The following AJAP1 variants were observed in gnomAD, a reference collection of about 807,000 sequenced individuals.
AJAP1 encodes adherens junctions associated protein 1.
Under a neutral mutation model 35.0 loss-of-function variants are expected in AJAP1, and 5 were observed. The observed-to-expected ratio is 0.14, with a 90% CI of 0.07 to 0.30. The LOEUF is 0.30. Ranked by LOEUF, AJAP1 falls within the 10% of genes least tolerant of loss-of-function variation. The probability of loss-of-function intolerance (pLI) is 1.00; values close to 1 mark genes in which losing one functional copy is unlikely to be tolerated. For missense variants in AJAP1, 586 were observed against 571.0 expected (o/e 1.03, Z -0.27); for synonymous variants, 284 against 249.3 (o/e 1.14, Z -1.31).
intron 2 of AJAP1, among the ~76,000 whole-genome samples, chr1:4,749,305 G>A (rs571272167): frequency 1.3e-5 from 2 of 152,304 alleles, no homozygotes; most frequent in East Asian, 3.9e-4. Flanking sequence ...TCTGCTCGAA[G>A]CTGAATACCT....
At chr1:4,753,946 TGTTTTTTCTCTTTG>T (rs1280511865) in intron 2 of AJAP1, among the ~76,000 whole-genome samples, 1 of 152,246 alleles carries the variant, frequency 6.6e-6, no homozygotes, top group African/African-American at 2.4e-5. Flanking sequence ...TTTTGTCTTT[TGTTTTTTCTCTTTG>T]GTTTTTGTTC....
intron 3 of AJAP1, 72 bp downstream of exon 3, chr1:4,770,012 G>A (rs1641799640): frequency 7.5e-7 from 1 of 1,337,228 alleles, no homozygotes; most frequent in Non-Finnish European, 1.1e-6. Flanking sequence ...AATACAGAAA[G>A]GCCCCTACTT....
At position 4,712,445 on chromosome 1, in the gene AJAP1, T is replaced by G. The variant is rs758215496; in HGVS notation, c.575T>G (p.Leu192Arg). The G allele has an allele frequency of 4.4e-6, 7 of 1,609,028 alleles. No individual in the cohort carries two copies. In the South Asian group the frequency reaches 7.8e-5, roughly 18 times the overall value. Reference sequence around the variant, plus strand: ...GGGCCCACGGGGGACGAGGAGGCCCTGGAGTCCAACACATTTCCGGGCGTT... The same window carrying G: ...GGGCCCACGGGGGACGAGGAGGCCCGGGAGTCCAACACATTTCCGGGCGTT... ...AWGPTGDEEA[L>R]ESNTFPGVYG... Residue 192 changes from leucine (L) to arginine (R), a missense_variant, in exon 2 of 6, where the codon CTG becomes CGG. Coordinates refer to ENST00000378191, the MANE Select transcript of AJAP1 (RefSeq NM_018836.4).
chr1:4,735,634 A>C (rs1402423954), intron 2 of AJAP1, among the ~76,000 whole-genome samples: 1 of 151,012 alleles, frequency 6.6e-6, no homozygotes, highest in Non-Finnish European at 1.5e-5. Context: ...CCTGCTGTAC[A>C]GTGGGCACCT....
intron 1 of AJAP1, among the ~76,000 whole-genome samples, chr1:4,657,495 G>T (rs564005792): frequency 6.6e-6 from 1 of 152,332 alleles, no homozygotes; most frequent in South Asian, 2.1e-4. Flanking sequence ...CTGAGCCAAA[G>T]GGTTGCAAGT....
At chr1:4,744,050 A>C (rs1641131479) in intron 2 of AJAP1, among the ~76,000 whole-genome samples, 1 of 152,158 alleles carries the variant, frequency 6.6e-6, no homozygotes. Context: ...TAAAGGGGTC[A>C]TGGGACGAGA....
chr1:4,655,457 G>A lies in AJAP1; in HGVS notation c.29+3G>A, dbSNP rs756046383. ...ATTCAACAGCTTTTAGGACTCAGGT[G>A]AGCGACCCGGCCGGCGCCGGGTGCG... is the stretch of plus-strand genomic sequence containing the variant. On this transcript the variant is annotated splice_donor_region_variant and intron_variant, in intron 1 of 5. Transcript: ENST00000378191. The surrounding 1 kb of genome is among the most constrained non-coding windows in gnomAD (Gnocchi z 6.9). 1.9e-6 allele frequency: 3 copies of A among 1,568,484 alleles called. No homozygotes were observed. Among genetic ancestry groups the A allele is most frequent in the Admixed American group, 1.8e-5 (1 of 55,656 alleles).
chr1:4,705,306 C>T (rs1318467459), intron 1 of AJAP1, among the ~76,000 whole-genome samples: 2 of 148,160 alleles, frequency 1.3e-5, no homozygotes, highest in Non-Finnish European at 3.0e-5. Context: ...CTAGGCATTA[C>T]CATTCAGGAC....
At position 4,657,118 on chromosome 1, in the gene AJAP1, A is replaced by G. The variant is rs564625371; in HGVS notation, c.29+1664A>G. 2.5e-4 allele frequency among the ~76,000 whole-genome samples: 38 copies of G among 152,188 alleles called. No homozygotes were observed. The South Asian group carries it at 7.9e-3, about 32-fold the overall frequency. ...TGAACAGACATTTTTTTTTATTGCT[A>G]AGTTGCTAGATTAAAAGATGAGTAC... On this transcript the variant is annotated intron_variant, in intron 1 of 5. Transcript: ENST00000378191.
At chr1:4,739,240 A>T (rs935853425) in intron 2 of AJAP1, among the ~76,000 whole-genome samples, 2 of 152,204 alleles carry the variant, frequency 1.3e-5, no homozygotes, top group Non-Finnish European at 2.9e-5. Context: ...ACAGCATCCC[A>T]CTTTGCTCAC....
intron 1 of AJAP1, among the ~76,000 whole-genome samples, chr1:4,682,719 T>A (rs1288823082): frequency 2.6e-5 from 4 of 152,138 alleles, no homozygotes; most frequent in Non-Finnish European, 5.9e-5. Flanking sequence ...ATGATGATAA[T>A]GATGATAGTG....
At chr1:4,703,735 C>T (rs1234741422) in intron 1 of AJAP1, among the ~76,000 whole-genome samples, 3 of 152,208 alleles carry the variant, frequency 2.0e-5, no homozygotes, top group Non-Finnish European at 4.4e-5. Flanking sequence ...CACAGAACCC[C>T]AGTCACAGAG....
chr1:4,672,744 T>A (rs1359941694), intron 1 of AJAP1, among the ~76,000 whole-genome samples: 1 of 152,142 alleles, frequency 6.6e-6, no homozygotes, highest in East Asian at 1.9e-4. Context: ...GTGAGCAGGA[T>A]GTGAAACCAC....
In AJAP1 at chr1:4,715,662, G is replaced by T. The variant is rs559205565; in HGVS notation, c.829+2963G>T. ...ATCCTGCCATTGCACTCCAGCCTGG[G>T]CAATAAGAGTGAAACTTATTTCAAA... On this transcript the variant is annotated intron_variant, in intron 2 of 5. Transcript: ENST00000378191. 7.2e-5 allele frequency among the ~76,000 whole-genome samples: 11 copies of T among 152,196 alleles called. No homozygotes were observed. The South Asian group carries it at 2.1e-3, about 29-fold the overall frequency.
chr1:4,686,414 C>T (rs186242241), intron 1 of AJAP1, among the ~76,000 whole-genome samples: 1 of 152,154 alleles, frequency 6.6e-6, no homozygotes, highest in Non-Finnish European at 1.5e-5. Context: ...GGTTCAAGTT[C>T]TTTTTCTTCC....
chr1:4,764,163 T>C (rs1641631224), intron 2 of AJAP1, among the ~76,000 whole-genome samples: 1 of 152,152 alleles, frequency 6.6e-6, no homozygotes, highest in South Asian at 2.1e-4. Context: ...GATAAATCTC[T>C]TCTTATAGAT....
Position 4,783,117 on chromosome 1 carries a change from A to G in AJAP1, c.*632A>G, listed in dbSNP as rs1642097697. On this transcript the variant is annotated 3_prime_UTR_variant, in exon 6 of 6. Coordinates refer to ENST00000378191, the MANE Select transcript of AJAP1 (RefSeq NM_018836.4). ...CCTTTTTAAAAAAAAGAATTGTGTT[A>G]TAGGTTACAAAATCTGATTTATTTA... The G allele has an allele frequency of 6.2e-6, 2 of 323,530 alleles. No individual in the cohort carries two copies. Among genetic ancestry groups the G allele is most frequent in the Admixed American group, 9.7e-5 (2 of 20,604 alleles). The allele number at this position is 323,530 out of a possible 1,614,324, so 20.0% of individuals were successfully genotyped here. A position where few individuals can be genotyped will look rare whatever the true frequency, so the allele number is the denominator to read the frequency against.
chr1:4,680,075 G>T (rs1456902654), intron 1 of AJAP1, among the ~76,000 whole-genome samples: 1 of 152,174 alleles, frequency 6.6e-6, no homozygotes, highest in Non-Finnish European at 1.5e-5. Flanking sequence ...TCTGAAGGCA[G>T]GAAAAGACCA....
intron 1 of AJAP1, among the ~76,000 whole-genome samples, chr1:4,663,437 A>T (rs996145317): frequency 5.3e-5 from 8 of 152,152 alleles, no homozygotes; most frequent in African/African-American, 1.4e-4. Flanking sequence ...GAATTCCATG[A>T]TGGGGATTGT....
Sources: allele counts gnomAD v4.1 joint callset (sites outside exome capture counted in the v4.1 genomes callset), GRCh38; gene constraint gnomAD v4.1.1; non-coding constraint Gnocchi (gnomAD v3.1); transcripts MANE v1.5; gene names NCBI Gene and HGNC (gene_info 2026-07-23, HGNC 2026-07-21).